The following SGCZ variants were observed in gnomAD, a reference collection of about 807,000 sequenced individuals.
The protein encoded by SGCZ is sarcoglycan zeta, also known as zeta-sarcoglycan.
SGCZ carries 40 observed loss-of-function variants against 41.3 expected under a neutral mutation model. The ratio of observed to expected loss-of-function variants is 0.97; its 90% confidence interval spans 0.75 to 1.26. SGCZ has a LOEUF of 1.26. Ranked by LOEUF, SGCZ falls within the 50% of genes most tolerant of loss-of-function variation. The pLI, the probability that SGCZ is intolerant of heterozygous loss-of-function variation, is 0.00. For synonymous variants in SGCZ, 206 were observed against 137.5 expected, an observed-to-expected ratio of 1.50 and a Z score of -3.49; for missense variants, 552 against 369.8, an observed-to-expected ratio of 1.49 and a Z score of -4.04.
intron 7 of SGCZ, among the ~76,000 whole-genome samples, chr8:14,094,253 A>G (rs777314566): frequency 1.3e-5 from 2 of 152,034 alleles, no homozygotes; most frequent in African/African-American, 4.8e-5. Flanking sequence ...TCAACGCATC[A>G]TCTACTTAGG....
chr8:14,967,660 T>G (rs1414863240), intron 1 of SGCZ, among the ~76,000 whole-genome samples: 1 of 152,162 alleles, frequency 6.6e-6, no homozygotes, highest in Non-Finnish European at 1.5e-5. Context: ...TCAGTGACAC[T>G]TCTTACAGTT....
chr8:14,727,986 A>G (rs1309704134), intron 1 of SGCZ, among the ~76,000 whole-genome samples: 1 of 152,228 alleles, frequency 6.6e-6, no homozygotes, highest in Non-Finnish European at 1.5e-5. Flanking sequence ...AAACAAAAGA[A>G]GCTAGACACA....
intron 1 of SGCZ, among the ~76,000 whole-genome samples, chr8:15,007,935 C>T (rs1802664645): frequency 2.0e-5 from 3 of 152,180 alleles, no homozygotes; most frequent in Non-Finnish European, 4.4e-5. Context: ...TTGTAGTTCA[C>T]ATTTCTTTTT....
chr8:14,761,564 C>A (rs1799876056), intron 1 of SGCZ, among the ~76,000 whole-genome samples: 1 of 147,600 alleles, frequency 6.8e-6, no homozygotes, highest in African/African-American at 2.5e-5. Flanking sequence ...GGGAGTCTCT[C>A]CCTGTCGCCC....
chr8:14,431,117 A>G (rs1029775694), intron 2 of SGCZ, among the ~76,000 whole-genome samples: 3 of 152,194 alleles, frequency 2.0e-5, no homozygotes, highest in Admixed American at 6.5e-5. Flanking sequence ...TCACTATCAA[A>G]AGCAATCTAC....
chr8:14,851,039 A>T (rs1563314710), intron 1 of SGCZ, among the ~76,000 whole-genome samples: 1 of 152,166 alleles, frequency 6.6e-6, no homozygotes, highest in African/African-American at 2.4e-5. Context: ...GCTGTAGAGT[A>T]TGACATTTAG....
At chr8:14,766,897 T>C (rs1173013101) in intron 1 of SGCZ, among the ~76,000 whole-genome samples, 1 of 151,322 alleles carries the variant, frequency 6.6e-6, no homozygotes, top group Non-Finnish European at 1.5e-5. Context: ...TTTAATAGAA[T>C]TTTTATTAAA....
intron 2 of SGCZ, among the ~76,000 whole-genome samples, chr8:14,411,826 T>C (rs4342592): frequency 0.32 from 48,196 of 151,940 alleles, 7,774 homozygotes; most frequent in Admixed American, 0.36. Context: ...ATGTGCTCTT[T>C]TTCCAGTACA....
intron 2 of SGCZ, among the ~76,000 whole-genome samples, chr8:14,543,866 A>G (rs1168599124): frequency 6.6e-6 from 1 of 152,168 alleles, no homozygotes; most frequent in African/African-American, 2.4e-5. Context: ...ACTACTTAGT[A>G]GCTGTGTGCC....
At chr8:14,157,505 T>G (rs965720535) in intron 5 of SGCZ, among the ~76,000 whole-genome samples, 1 of 151,076 alleles carries the variant, frequency 6.6e-6, no homozygotes, top group African/African-American at 2.4e-5. Context: ...TGTTTGGTAT[T>G]TGATAATACT....
chr8:14,869,230 C>A (rs919605414), intron 1 of SGCZ, among the ~76,000 whole-genome samples: 1 of 152,104 alleles, frequency 6.6e-6, no homozygotes, highest in Non-Finnish European at 1.5e-5. Flanking sequence ...CATCAAATAG[C>A]GTATCCACCA....
intron 1 of SGCZ, among the ~76,000 whole-genome samples, chr8:14,645,935 T>A (rs1187761936): frequency 6.6e-6 from 1 of 151,696 alleles, no homozygotes; most frequent in African/African-American, 2.4e-5. Context: ...TTCTTCAACC[T>A]GTTCTCTTAC....
At chr8:14,762,533 G>T (rs975945022) in intron 1 of SGCZ, among the ~76,000 whole-genome samples, 42 of 152,144 alleles carry the variant, frequency 2.8e-4, no homozygotes, top group African/African-American at 1.0e-3. Context: ...AATGAATAGG[G>T]AGGTTTATTA....
At chr8:14,582,000 A>G (rs1804905750) in intron 1 of SGCZ, among the ~76,000 whole-genome samples, 1 of 151,788 alleles carries the variant, frequency 6.6e-6, no homozygotes, top group African/African-American at 2.4e-5. Flanking sequence ...ACTGCTGAGA[A>G]AGAAAGACAA....
intron 5 of SGCZ, among the ~76,000 whole-genome samples, chr8:14,160,633 G>C (rs894692880): frequency 2.0e-5 from 3 of 152,114 alleles, no homozygotes; most frequent in Non-Finnish European, 2.9e-5. Flanking sequence ...GTCAAGAGTG[G>C]AAAATTACAA....
At chr8:14,314,139 T>C (rs1801639334) in intron 3 of SGCZ, among the ~76,000 whole-genome samples, 1 of 152,136 alleles carries the variant, frequency 6.6e-6, no homozygotes, top group African/African-American at 2.4e-5. Flanking sequence ...GAAGAACTCC[T>C]TTTAAAGCTG....
chr8:14,353,417 C>G (rs1435930355), intron 2 of SGCZ, among the ~76,000 whole-genome samples: 1 of 152,030 alleles, frequency 6.6e-6, no homozygotes, highest in African/African-American at 2.4e-5. Context: ...CTCCCTTCTA[C>G]TCACATAACT....
intron 2 of SGCZ, among the ~76,000 whole-genome samples, chr8:14,475,883 T>C (rs1801343314): frequency 6.6e-6 from 1 of 152,170 alleles, no homozygotes; most frequent in Admixed American, 6.5e-5. Context: ...TCACTCAGGC[T>C]GGAATGCAGT....
intron 3 of SGCZ, among the ~76,000 whole-genome samples, chr8:14,276,462 T>C (rs968799423): frequency 1.3e-5 from 2 of 152,084 alleles, no homozygotes; most frequent in African/African-American, 4.8e-5. Context: ...CAAAGAAAAA[T>C]GTAAGTGGCT....
Sources: allele counts gnomAD v4.1 joint callset (sites outside exome capture counted in the v4.1 genomes callset), GRCh38; gene constraint gnomAD v4.1.1; transcripts MANE v1.5; gene names NCBI Gene and HGNC (gene_info 2026-07-23, HGNC 2026-07-21).